Variants in CHCHD6 observed in about 807,000 individuals in gnomAD.
CHCHD6 encodes coiled-coil-helix-coiled-coil-helix domain containing 6, also known as MICOS complex subunit MIC25.
In CHCHD6, 28 loss-of-function variants were observed where a neutral mutation model predicts 32.3. The ratio of observed to expected loss-of-function variants is 0.87; its 90% CI spans 0.64 to 1.19. The LOEUF (loss-of-function observed/expected upper bound fraction) is 1.19. CHCHD6 is among the 50% of genes most tolerant of loss of function. The probability of loss-of-function intolerance (pLI) is 0.00; values close to 1 mark genes in which losing one functional copy is unlikely to be tolerated. For missense variants in CHCHD6, 333 were observed against 307.0 expected (o/e 1.08, Z -0.63); for synonymous variants, 122 against 117.5 (o/e 1.04, Z -0.25).
intron 5 of CHCHD6, among the ~76,000 whole-genome samples, chr3:126,861,557 GCAC>G (rs1326161762): frequency 6.9e-6 from 1 of 144,968 alleles, no homozygotes; most frequent in African/African-American, 2.6e-5. Context: ...ACCACCACCA[GCAC>G]CACCACCTCA....
chr3:126,813,645 C>G (rs1218504858), intron 4 of CHCHD6, among the ~76,000 whole-genome samples: 4 of 152,098 alleles, frequency 2.6e-5, no homozygotes, highest in African/African-American at 9.7e-5. Flanking sequence ...CACGGGTACC[C>G]AGAACTTATG....
rs1355161185 is a variant in CHCHD6, at chr3:126,946,096, C to G, written c.567-11320C>G. Among the ~76,000 whole-genome samples the G allele has an allele frequency of 3.3e-5, 5 of 152,184 alleles. No homozygotes were observed. In the East Asian group the frequency reaches 9.7e-4, roughly 30 times the overall value. On this transcript the variant is annotated intron_variant, in intron 6 of 7. Transcript: ENST00000290913. ...AGGGTTGGGGCAGCCCAAGGACTCC[C>G]CTGTGTCCAGAGGCCATGGCTGCAA...
chr3:126,803,304 T>G (rs1445917160), intron 4 of CHCHD6, among the ~76,000 whole-genome samples: 2 of 152,208 alleles, frequency 1.3e-5, no homozygotes, highest in Admixed American at 1.3e-4. Context: ...ATTGGTGTGC[T>G]GTATTCAGGA....
chr3:126,838,256 T>C (rs1322650687), intron 4 of CHCHD6, among the ~76,000 whole-genome samples: 1 of 152,238 alleles, frequency 6.6e-6, no homozygotes, highest in East Asian at 1.9e-4. Flanking sequence ...AAAATTTGTA[T>C]CGTGTAATGA....
chr3:126,766,336 T>A, intron 4 of CHCHD6: 1 of 411,746 alleles, frequency 2.4e-6, no homozygotes, highest in Non-Finnish European at 4.6e-6. Context: ...TAGGTCAGCT[T>A]TTGCTTTTTT....
In CHCHD6 at chr3:126,870,700, A is replaced by G. The variant is rs189708429; in HGVS notation, c.495+17970A>G. Reference sequence around the variant, plus strand: ...GACTACTGTTTTTGGACCTGAGCACAGGGACTTCACTATGCCTATTAATTT... The same window carrying G: ...GACTACTGTTTTTGGACCTGAGCACGGGGACTTCACTATGCCTATTAATTT... On this transcript the variant is annotated intron_variant, in intron 5 of 7. Transcript: ENST00000290913. 3.8e-4 allele frequency among the ~76,000 whole-genome samples: 58 copies of G among 152,326 alleles called. No individual in the cohort carries two copies. In the East Asian group the frequency reaches 6.4e-3, roughly 17 times the overall value.
chr3:126,850,443 A>G (rs1217910878), intron 4 of CHCHD6, among the ~76,000 whole-genome samples: 1 of 152,218 alleles, frequency 6.6e-6, no homozygotes, highest in Non-Finnish European at 1.5e-5. Context: ...TCTTCACCCA[A>G]CACTTTAGTC....
intron 4 of CHCHD6, among the ~76,000 whole-genome samples, chr3:126,796,715 G>A (rs1048922887): frequency 6.6e-6 from 1 of 152,140 alleles, no homozygotes; most frequent in African/African-American, 2.4e-5. Flanking sequence ...CCTTCTGTTA[G>A]TGGGCCATGG....
At chr3:126,867,440 C>G (rs985865831) in intron 5 of CHCHD6, among the ~76,000 whole-genome samples, 6 of 152,292 alleles carry the variant, frequency 3.9e-5, no homozygotes, top group Middle Eastern at 3.4e-3. Flanking sequence ...TAGGTACTTA[C>G]GGGTTGAAGA....
At chr3:126,893,690 AACCCCCGCTAAGG>A (rs2077797730) in intron 5 of CHCHD6, among the ~76,000 whole-genome samples, 1 of 152,224 alleles carries the variant, frequency 6.6e-6, no homozygotes, top group Admixed American at 6.5e-5. Flanking sequence ...AGAAACACTG[AACCCCCGCTAAGG>A]GGAGATAGTT....
rs765754458 is a variant in CHCHD6, at chr3:126,727,202, C to G, written c.196+16C>G. 45 of 1,550,736 alleles carry G rather than the reference C, an allele frequency of 2.9e-5. No homozygotes were observed. The highest frequency in any genetic ancestry group is 3.8e-5 in the Non-Finnish European group (43 of 1,122,606). ...CCTCACAAAGGTATGGGGATTGTGA[C>G]AGTTCTGTGGAGTGTGGAGAGACAG... On this transcript the variant is annotated intron_variant, in intron 2 of 7. Coordinates refer to ENST00000290913, the MANE Select transcript of CHCHD6 (RefSeq NM_032343.3).
At chr3:126,812,241 G>A (rs946297466) in intron 4 of CHCHD6, among the ~76,000 whole-genome samples, 4 of 150,266 alleles carry the variant, frequency 2.7e-5, no homozygotes, top group Admixed American at 1.3e-4. Context: ...CAACATGCAA[G>A]TTTGAAGGTG....
At chr3:126,959,803 A>G (rs182314177) in intron 7 of CHCHD6, among the ~76,000 whole-genome samples, 1 of 152,212 alleles carries the variant, frequency 6.6e-6, no homozygotes, top group Non-Finnish European at 1.5e-5. Flanking sequence ...AGCTGTGAAA[A>G]ATCAGAGAAC....
intron 4 of CHCHD6, among the ~76,000 whole-genome samples, chr3:126,749,047 A>C (rs768727982): frequency 1.5e-4 from 23 of 152,180 alleles, no homozygotes; most frequent in African/African-American, 4.8e-4. Flanking sequence ...GGAAGGAGAC[A>C]AAGAATGAGG....
At chr3:126,905,867 A>G (rs2107585486) in intron 5 of CHCHD6, among the ~76,000 whole-genome samples, 1 of 152,296 alleles carries the variant, frequency 6.6e-6, no homozygotes, top group East Asian at 1.9e-4. Context: ...CTGGATAGCT[A>G]GTGGTGTTCA....
At chr3:126,891,211 G>A (rs1230146911) in intron 5 of CHCHD6, among the ~76,000 whole-genome samples, 1 of 152,186 alleles carries the variant, frequency 6.6e-6, no homozygotes. Flanking sequence ...GAAAGGCCTG[G>A]GGGTTGTGTT....
chr3:126,742,623 C>A (rs1197451248), intron 4 of CHCHD6, among the ~76,000 whole-genome samples: 2 of 152,004 alleles, frequency 1.3e-5, no homozygotes, highest in Non-Finnish European at 2.9e-5. Flanking sequence ...TAAGGAGTTA[C>A]CATGAGAGCG....
intron 1 of CHCHD6, among the ~76,000 whole-genome samples, chr3:126,706,908 C>G (rs1240317056): frequency 6.6e-6 from 1 of 152,116 alleles, no homozygotes; most frequent in Non-Finnish European, 1.5e-5. Flanking sequence ...GTTGAATATT[C>G]TTAATGACCA....
At position 126,835,996 on chromosome 3, in the gene CHCHD6, G is replaced by A. The variant is rs150422266; in HGVS notation, c.412-16651G>A. Among the ~76,000 whole-genome samples, 28 of 152,344 alleles carry A rather than the reference G, an allele frequency of 1.8e-4. 1 individual carries two copies. Among genetic ancestry groups the A allele is most frequent in the African/African-American group, 5.5e-4 (23 of 41,574 alleles). The stretch of plus-strand genomic sequence containing the variant: ...TGTGTGCCTGTACATGTGAGTGCAC[G>A]GTGTGGGAAGGGAGATAATCAGTCT... On this transcript the variant is annotated intron_variant, in intron 4 of 7. Transcript: ENST00000290913.
Sources: gnomAD v4.1 joint callset for allele counts (sites outside exome capture counted in the v4.1 genomes callset) on GRCh38, gnomAD v4.1.1 for gene constraint, MANE v1.5 for transcripts, NCBI Gene and HGNC (gene_info 2026-07-23, HGNC 2026-07-21) for gene names.